Variants in COG5 observed in about 807,000 individuals in gnomAD.
COG5 encodes conserved oligomeric Golgi complex subunit 5.
COG5 carries 86 observed loss-of-function variants against 110.4 expected under a neutral mutation model. The observed-to-expected ratio is 0.78, with a 90% confidence interval of 0.65 to 0.93. The LOEUF (loss-of-function observed/expected upper bound fraction) is 0.93. Among genes scored for constraint, COG5 ranks in the 40% least tolerant of loss-of-function variants. The probability of loss-of-function intolerance (pLI) is 0.00; values close to 1 mark genes in which losing one functional copy is unlikely to be tolerated. For synonymous variants in COG5, 360 were observed against 334.6 expected, an observed-to-expected ratio of 1.08 and a Z score of -0.83; for missense variants, 1,077 against 987.0, an observed-to-expected ratio of 1.09 and a Z score of -1.22.
chr7:107,442,164 T>C (rs1794741294), intron 6 of COG5, among the ~76,000 whole-genome samples: 2 of 152,148 alleles, frequency 1.3e-5, no homozygotes, highest in African/African-American at 4.8e-5. Context: ...CTTGTGATAG[T>C]CAGTGAGTTC....
At position 107,221,713 on chromosome 7, in the gene COG5, C is replaced by T. The variant is rs188511000; in HGVS notation, c.2168+8902G>A. Among the ~76,000 whole-genome samples, 82 of 149,168 alleles carry T rather than the reference C, an allele frequency of 5.5e-4. No homozygotes were observed. The East Asian group carries it at 6.0e-3, about 11-fold the overall frequency. On this transcript the variant is annotated intron_variant, in intron 19 of 21. Coordinates refer to ENST00000297135, the MANE Select transcript of COG5 (RefSeq NM_006348.5). ...CTGGGAGGCAGAGCTTGCAGTGAGC[C>T]GGGATCATGCCACTGCACTCCAGCC...
intron 19 of COG5, among the ~76,000 whole-genome samples, chr7:107,219,632 T>C (rs555556447): frequency 2.6e-5 from 4 of 151,864 alleles, no homozygotes; most frequent in Admixed American, 2.0e-4. Context: ...TCTTAAACAA[T>C]AGAACTCATA....
rs71134260 is a variant in COG5, at chr7:107,311,370, ATTTTTTTTTTTTT to A, written c.1109-13037_1109-13025del. 1.6e-3 allele frequency among the ~76,000 whole-genome samples: 97 copies of A among 58,946 alleles called. 2 individuals are homozygous for A. The South Asian group carries it at 0.067, about 41-fold the overall frequency. 38.7% of individuals were successfully genotyped at this position (58,946 alleles called of 152,430 possible). A position where few individuals can be genotyped will look rare whatever the true frequency, so the allele number is the denominator to read the frequency against. ...TATAAGTGATATCGAGCGTATTTAC[ATTTTTTTTTTTTT>A]TTTTTTTTTTTTTTTTTTTTTGAGA... is the stretch of plus-strand genomic sequence containing the variant. On this transcript the variant is annotated intron_variant, in intron 11 of 21. Coordinates refer to ENST00000297135, the MANE Select transcript of COG5 (RefSeq NM_006348.5).
intron 7 of COG5, among the ~76,000 whole-genome samples, chr7:107,393,599 T>C (rs990149768): frequency 2.6e-5 from 4 of 152,276 alleles, no homozygotes; most frequent in African/African-American, 9.6e-5. Flanking sequence ...GCTCAGGTCT[T>C]GGGTCTTTCA....
chr7:107,260,170 G>A (rs1434788654), intron 14 of COG5, among the ~76,000 whole-genome samples: 3 of 150,770 alleles, frequency 2.0e-5, no homozygotes, highest in Admixed American at 6.7e-5. Context: ...TAAGAAAATA[G>A]ACACAATGCA....
intron 19 of COG5, among the ~76,000 whole-genome samples, chr7:107,222,234 C>G (rs1799988209): frequency 2.0e-5 from 3 of 151,600 alleles, no homozygotes; most frequent in African/African-American, 7.3e-5. Flanking sequence ...GAGTCTCGCT[C>G]TGTCGCCCAG....
intron 6 of COG5, among the ~76,000 whole-genome samples, chr7:107,446,547 C>T (rs2129090173): frequency 6.6e-6 from 1 of 152,288 alleles, no homozygotes; most frequent in Middle Eastern, 3.4e-3. Flanking sequence ...ATACAGCAAA[C>T]ATAACGATAC....
chr7:107,557,045 A>G (rs1193504211), intron 2 of COG5, among the ~76,000 whole-genome samples: 1 of 152,244 alleles, frequency 6.6e-6, no homozygotes, highest in African/African-American at 2.4e-5. Context: ...CTGGGGTTAC[A>G]GGAATAAGCC....
In COG5 at chr7:107,201,399, AT is replaced by A; in HGVS notation, c.*2116del. ...GATTTGTAAACATTCACTGAGTTTAATTTTATTTCCACAGGGCTCACAACAA... is the reference window on the plus strand; with the variant it reads ...GATTTGTAAACATTCACTGAGTTTAATTTATTTCCACAGGGCTCACAACAA... On this transcript the variant is annotated 3_prime_UTR_variant, in exon 22 of 22. Coordinates refer to ENST00000297135, the MANE Select transcript of COG5 (RefSeq NM_006348.5). 2 of 1,550,126 alleles carry A rather than the reference AT, an allele frequency of 1.3e-6. No individual in the cohort carries two copies. Among genetic ancestry groups the A allele is most frequent in the Non-Finnish European group, 1.8e-6 (2 of 1,123,516 alleles).
intron 14 of COG5, among the ~76,000 whole-genome samples, chr7:107,265,416 C>CA (rs1803718664): frequency 6.6e-6 from 1 of 152,022 alleles, no homozygotes. Flanking sequence ...TAGCTGGGAC[C>CA]ACAGGCATAT....
intron 6 of COG5, among the ~76,000 whole-genome samples, chr7:107,466,558 T>A (rs1013451951): frequency 6.6e-6 from 1 of 152,218 alleles, no homozygotes; most frequent in Admixed American, 6.5e-5. Context: ...GTTATTCTCA[T>A]ATAGAAAATG....
At chr7:107,407,142 G>A (rs774956543) in intron 7 of COG5, among the ~76,000 whole-genome samples, 19 of 152,226 alleles carry the variant, frequency 1.2e-4, no homozygotes, top group Non-Finnish European at 2.6e-4. Flanking sequence ...AGCACTTTGG[G>A]AGACAGAGGC....
chr7:107,509,607 A>G (rs1799334494), intron 6 of COG5, among the ~76,000 whole-genome samples: 1 of 152,218 alleles, frequency 6.6e-6, no homozygotes. Flanking sequence ...CAGATTCACC[A>G]AAGTTGAAAT....
chr7:107,206,704 AT>A (rs563033714), intron 21 of COG5, among the ~76,000 whole-genome samples: 166 of 152,214 alleles, frequency 1.1e-3, no homozygotes, highest in African/African-American at 3.8e-3. Context: ...ATTTAAAAGG[AT>A]AAGACATCAC....
Position 107,258,479 on chromosome 7 carries a change from C to T in COG5, c.1576-96G>A, listed in dbSNP as rs905078386. 33 of 770,502 alleles carry T rather than the reference C, an allele frequency of 4.3e-5. No homozygotes were observed. The Admixed American group carries it at 5.6e-4, about 13-fold the overall frequency. The allele number at this position is 770,502 out of a possible 1,614,324, so 47.7% of individuals were successfully genotyped here. On this transcript the variant is annotated intron_variant, in intron 14 of 21. Transcript: ENST00000297135. Reference sequence around the variant, plus strand: ...ACACACACATACACACACACACACACATTCTTTAACCGGGGAGAAGTTCAT... The same window carrying T: ...ACACACACATACACACACACACACATATTCTTTAACCGGGGAGAAGTTCAT...
At chr7:107,419,485 A>T (rs1793118966) in intron 6 of COG5, among the ~76,000 whole-genome samples, 1 of 152,074 alleles carries the variant, frequency 6.6e-6, no homozygotes, top group Non-Finnish European at 1.5e-5. Flanking sequence ...ATAAAAGAAA[A>T]AGAAAAAGAG....
intron 6 of COG5, among the ~76,000 whole-genome samples, chr7:107,475,849 T>A (rs1387565263): frequency 1.3e-5 from 2 of 151,650 alleles, no homozygotes; most frequent in African/African-American, 4.8e-5. Flanking sequence ...TGTTTCCTGG[T>A]ATAGTGTATT....
intron 10 of COG5, among the ~76,000 whole-genome samples, chr7:107,351,980 T>C (rs1265593226): frequency 6.8e-6 from 1 of 146,104 alleles, no homozygotes; most frequent in African/African-American, 2.4e-5. Flanking sequence ...CAAAGGATTA[T>C]AAATCACGCT....
intron 19 of COG5, among the ~76,000 whole-genome samples, chr7:107,220,772 A>AG (rs963123472): frequency 1.3e-5 from 2 of 151,054 alleles, no homozygotes; most frequent in Admixed American, 6.6e-5. Flanking sequence ...AGGCCCTGAA[A>AG]GGGGACTTTG....
Sources: allele counts gnomAD v4.1 joint callset (sites outside exome capture counted in the v4.1 genomes callset), GRCh38; gene constraint gnomAD v4.1.1; transcripts MANE v1.5; gene names NCBI Gene and HGNC (gene_info 2026-07-23, HGNC 2026-07-21).